Variants in DERA observed in about 807,000 individuals in gnomAD.
DERA encodes the protein deoxyribose-phosphate aldolase.
Under a neutral mutation model 41.1 loss-of-function variants are expected in DERA, and 15 were observed. The observed-to-expected ratio is 0.37, with a 90% CI of 0.24 to 0.56. DERA has a LOEUF of 0.56. Among genes scored for constraint, DERA ranks in the 20% least tolerant of loss-of-function variants. The probability of loss-of-function intolerance (pLI) is 0.81; values close to 1 mark genes in which losing one functional copy is unlikely to be tolerated. For missense variants in DERA, 396 were observed against 403.4 expected (o/e 0.98, Z 0.16); for synonymous variants, 139 against 137.4 (o/e 1.01, Z -0.08).
At chr12:15,987,961 G>A (rs909525074) in intron 6 of DERA, among the ~76,000 whole-genome samples, 1 of 152,140 alleles carries the variant, frequency 6.6e-6, no homozygotes, top group Admixed American at 6.5e-5. Flanking sequence ...AGGCACATCA[G>A]CTGCGGCAGG....
At chr12:15,949,691 G>C (rs1948482131) in intron 1 of DERA, among the ~76,000 whole-genome samples, 1 of 152,134 alleles carries the variant, frequency 6.6e-6, no homozygotes. Flanking sequence ...CGCTCAGTGG[G>C]CTGCACCCAC....
At chr12:16,002,157 T>A (rs1948880114) in intron 6 of DERA, among the ~76,000 whole-genome samples, 1 of 105,718 alleles carries the variant, frequency 9.5e-6, no homozygotes, top group South Asian at 3.4e-4. Flanking sequence ...ACAACAGCCC[T>A]GGTGTGTGAT....
At position 16,019,711 on chromosome 12, in the gene DERA, T is replaced by C. The variant is rs2136183945; in HGVS notation, c.638-12831T>C. ...TTGAAGGTCTGTAACACATTCCATC[T>C]GTTCCATGAAGCCTTCCCGTATTAT... On this transcript the variant is annotated intron_variant, in intron 6 of 8. Coordinates refer to ENST00000428559, the MANE Select transcript of DERA (RefSeq NM_015954.4). This position sits in a 1 kb window ranked among gnomAD's most constrained non-coding sequence, Gnocchi z 4.4. Among the ~76,000 whole-genome samples the C allele has an allele frequency of 6.6e-6, 1 of 152,344 alleles. No individual in the cohort carries two copies. Among genetic ancestry groups the C allele is most frequent in the Non-Finnish European group, 1.5e-5 (1 of 68,032 alleles).
rs190456840 is a variant in DERA, at chr12:15,953,906, A to C, written c.32-3030A>C. ...CACTTACATAATTCATTGCCATGGG[A>C]GGTCACAGAGGCAAATTTTGTGGCT... On this transcript the variant is annotated intron_variant, in intron 1 of 8. Coordinates refer to ENST00000428559, the MANE Select transcript of DERA (RefSeq NM_015954.4). 3.0e-3 allele frequency among the ~76,000 whole-genome samples: 460 copies of C among 152,318 alleles called. 3 individuals carry two copies. Among genetic ancestry groups the C allele is most frequent in the Non-Finnish European group, 4.4e-3 (301 of 68,032 alleles).
chr12:15,928,964 C>T lies in DERA; in HGVS notation c.31+17550C>T, dbSNP rs963157431. On this transcript the variant is annotated intron_variant, in intron 1 of 8. Coordinates refer to ENST00000428559, the MANE Select transcript of DERA (RefSeq NM_015954.4). The surrounding 1 kb of genome is among the most constrained non-coding windows in gnomAD (Gnocchi z 4.6). ...TAGCTGTTAAATCCTGTCCTGCAGA[C>T]GGGAGCAGCGTTCTCTGTGAAAACT... is the stretch of plus-strand genomic sequence containing the variant. 2.6e-5 allele frequency among the ~76,000 whole-genome samples: 4 copies of T among 152,170 alleles called. No individual in the cohort carries two copies. Among genetic ancestry groups the T allele is most frequent in the East Asian group, 1.9e-4 (1 of 5,190 alleles).
intron 1 of DERA, among the ~76,000 whole-genome samples, chr12:15,945,172 C>G (rs1395991052): frequency 6.6e-6 from 1 of 152,156 alleles, no homozygotes; most frequent in Non-Finnish European, 1.5e-5. Flanking sequence ...GTGATACCTC[C>G]AGCTTTGTTC....
chr12:15,920,137 G>A (rs1342510693), intron 1 of DERA, among the ~76,000 whole-genome samples: 2 of 152,140 alleles, frequency 1.3e-5, no homozygotes, highest in Admixed American at 6.5e-5. Flanking sequence ...TATCTGTGAT[G>A]TAGAGATTCT....
rs1369031927 is a variant in DERA, at chr12:15,938,382, T to G, written c.32-18554T>G. ...TAGTTCCATTCAAACAGTAAAAAAT[T>G]CATTCTAACACTAAAATATACTCAT... On this transcript the variant is annotated intron_variant, in intron 1 of 8. Transcript: ENST00000428559. This position sits in a 1 kb window ranked among gnomAD's most constrained non-coding sequence, Gnocchi z 4.1. 1.3e-5 allele frequency among the ~76,000 whole-genome samples: 2 copies of G among 152,152 alleles called. No homozygotes were observed. Among genetic ancestry groups the G allele is most frequent in the African/African-American group, 2.4e-5 (1 of 41,440 alleles).
chr12:16,016,815 A>AAAAAG (rs1555159063), intron 6 of DERA, among the ~76,000 whole-genome samples: 22 of 151,258 alleles, frequency 1.5e-4, no homozygotes, highest in African/African-American at 4.8e-4. Context: ...AAAAAAAAAA[A>AAAAAG]AAAGAAAGAA....
rs758251008 is a variant in DERA, at chr12:16,036,379, C to G, written c.898C>G (p.Gln300Glu). ...ASTLLSDIERQIYHHVTGRYA... is the reference protein window; with the variant it reads ...ASTLLSDIEREIYHHVTGRYA... Reference sequence around the variant, plus strand: ...TACTCTGCTCTCGGACATTGAGAGGCAGGTGAGTAATCATCTCTGTCTTTG... The same window carrying G: ...TACTCTGCTCTCGGACATTGAGAGGGAGGTGAGTAATCATCTCTGTCTTTG... Residue 300 changes from glutamine (Q) to glutamate (E), a missense_variant and splice_region_variant, in exon 8 of 9, where the codon CAG (glutamine) becomes GAG (glutamate). Physicochemically the swap from Gln to Glu is conservative, Grantham distance 29. Transcript: ENST00000428559. The surrounding 1 kb of genome is among the most constrained non-coding windows in gnomAD (Gnocchi z 4.9). 63 of 1,593,722 alleles carry G rather than the reference C, an allele frequency of 4.0e-5. No individual in the cohort carries two copies. The highest frequency in any genetic ancestry group is 5.2e-5 in the Non-Finnish European group (61 of 1,172,964).
chr12:16,025,939 C>G (rs979051583), intron 6 of DERA, among the ~76,000 whole-genome samples: 1 of 152,078 alleles, frequency 6.6e-6, no homozygotes. Context: ...AAACAACACA[C>G]TCCTAAATAA....
chr12:15,942,374 C>A (rs950259182), intron 1 of DERA, among the ~76,000 whole-genome samples: 1 of 152,042 alleles, frequency 6.6e-6, no homozygotes, highest in African/African-American at 2.4e-5. Flanking sequence ...AATTAGGTCC[C>A]ATTTATTTAT....
In DERA at chr12:16,010,474, G is replaced by T. The variant is rs1948939907; in HGVS notation, c.638-22068G>T. On this transcript the variant is annotated intron_variant, in intron 6 of 8. Transcript: ENST00000428559. This position sits in a 1 kb window ranked among gnomAD's most constrained non-coding sequence, Gnocchi z 5.5. ...CCATAGATGAGGTTTTCCGAGTTCTGCTGCTTTCCCCTTTGCCAGCATATA... is the reference window on the plus strand; with the variant it reads ...CCATAGATGAGGTTTTCCGAGTTCTTCTGCTTTCCCCTTTGCCAGCATATA... Among the ~76,000 whole-genome samples, 3 of 151,496 alleles carry T rather than the reference G, an allele frequency of 2.0e-5. No homozygotes were observed. Among genetic ancestry groups the T allele is most frequent in the South Asian group, 4.2e-4 (2 of 4,792 alleles).
At chr12:15,937,602 T>C (rs1948378281) in intron 1 of DERA, among the ~76,000 whole-genome samples, 2 of 152,218 alleles carry the variant, frequency 1.3e-5, no homozygotes, top group South Asian at 4.1e-4. Context: ...CATTAAGGGT[T>C]ACAAAATAAT....
In DERA at chr12:16,008,271, G is replaced by A. The variant is rs1190565833; in HGVS notation, c.638-24271G>A. Among the ~76,000 whole-genome samples the A allele has an allele frequency of 5.9e-5, 9 of 152,194 alleles. No individual in the cohort carries two copies. Among genetic ancestry groups the A allele is most frequent in the Admixed American group, 3.9e-4 (6 of 15,274 alleles). ...TCTCAAACAGGAATCCTACTACTCC[G>A]TGGCTTCTCACTTTTAGCTTTTCCT... On this transcript the variant is annotated intron_variant, in intron 6 of 8. Transcript: ENST00000428559. This position sits in a 1 kb window ranked among gnomAD's most constrained non-coding sequence, Gnocchi z 4.8.
intron 1 of DERA, among the ~76,000 whole-genome samples, chr12:15,944,726 T>G (rs1440679490): frequency 6.6e-6 from 1 of 152,220 alleles, no homozygotes; most frequent in Admixed American, 6.5e-5. Flanking sequence ...AGAAGCTCTT[T>G]AGTTTAATTA....
At chr12:16,002,498 G>A (rs924771284) in intron 6 of DERA, among the ~76,000 whole-genome samples, 6 of 151,692 alleles carry the variant, frequency 4.0e-5, no homozygotes, top group Non-Finnish European at 4.4e-5. Flanking sequence ...TATTAAAATT[G>A]TATATATTTG....
At position 15,976,374 on chromosome 12, in the gene DERA, T is replaced by C. The variant is rs990669303; in HGVS notation, c.509-5934T>C. On this transcript the variant is annotated intron_variant, in intron 5 of 8. Coordinates refer to ENST00000428559, the MANE Select transcript of DERA (RefSeq NM_015954.4). The surrounding 1 kb of genome is among the most constrained non-coding windows in gnomAD (Gnocchi z 4.1). The stretch of plus-strand genomic sequence containing the variant: ...TCAGTCCTCGCTGGTAAGGGTGACC[T>C]TCACTTTCCCCAGAGCTGACTGCAC... Among the ~76,000 whole-genome samples, 1 of 152,182 alleles carries C rather than the reference T, an allele frequency of 6.6e-6. No homozygotes were observed. Among genetic ancestry groups the C allele is most frequent in the African/African-American group, 2.4e-5 (1 of 41,442 alleles).
intron 1 of DERA, among the ~76,000 whole-genome samples, chr12:15,946,349 G>C (rs544702540): frequency 1.3e-5 from 2 of 152,130 alleles, no homozygotes. Flanking sequence ...CTGTGAATCT[G>C]TCTGGTCCTG....
Sources: gnomAD v4.1 joint callset for allele counts (sites outside exome capture counted in the v4.1 genomes callset) on GRCh38, gnomAD v4.1.1 for gene constraint, Gnocchi (gnomAD v3.1) non-coding constraint, MANE v1.5 for transcripts, NCBI Gene and HGNC (gene_info 2026-07-23, HGNC 2026-07-21) for gene names.